EYS: variants seen among roughly 807,000 people sequenced by gnomAD.
The protein encoded by EYS is EGF-like photoreceptor maintenance factor, also known as protein eyes shut homolog.
In EYS, 250 loss-of-function variants were observed where a neutral mutation model predicts 282.1. That is an observed-to-expected ratio of 0.89 (90% CI 0.80 to 0.98). The LOEUF (loss-of-function observed/expected upper bound fraction) is 0.98, where lower values mean the gene tolerates loss of function less well. Ranked by LOEUF, EYS falls within the 50% of genes least tolerant of loss-of-function variation. The probability of loss-of-function intolerance (pLI) is 0.00; values close to 1 mark genes in which losing one functional copy is unlikely to be tolerated. For synonymous variants in EYS, 1,355 were observed against 1,282.9 expected (o/e 1.06, Z -1.20); for missense variants, 4,016 against 3,709.0 (o/e 1.08, Z -2.15).
At chr6:65,210,837 A>G (rs913197936) in intron 12 of EYS, among the ~76,000 whole-genome samples, 1 of 151,988 alleles carries the variant, frequency 6.6e-6, no homozygotes, top group Non-Finnish European at 1.5e-5. Flanking sequence ...TTTAAAATAA[A>G]TATTTTATAA....
intron 1 of EYS, among the ~76,000 whole-genome samples, chr6:65,663,529 T>G (rs1232619365): frequency 1.3e-5 from 2 of 152,196 alleles, no homozygotes; most frequent in Non-Finnish European, 2.9e-5. Flanking sequence ...CTTGGACTTA[T>G]CCTTACTGGA....
chr6:64,145,585 T>C (rs1420325562), intron 31 of EYS, among the ~76,000 whole-genome samples: 2 of 152,232 alleles, frequency 1.3e-5, no homozygotes, highest in Non-Finnish European at 2.9e-5. Context: ...TATCCTCTTG[T>C]TGCATTTCCA....
At chr6:64,771,136 T>C (rs1223916653) in intron 22 of EYS, among the ~76,000 whole-genome samples, 1 of 151,722 alleles carries the variant, frequency 6.6e-6, no homozygotes, top group Non-Finnish European at 1.5e-5. Context: ...TTCTTCACTT[T>C]TCCTTCTATG....
chr6:63,760,534 T>C (rs987589292), intron 41 of EYS, among the ~76,000 whole-genome samples: 9 of 152,070 alleles, frequency 5.9e-5, no homozygotes, highest in African/African-American at 2.2e-4. Flanking sequence ...TAGAATTCTA[T>C]GTGGATGTCA....
At chr6:64,588,128 A>C (rs911131256) in intron 26 of EYS, among the ~76,000 whole-genome samples, 1 of 152,088 alleles carries the variant, frequency 6.6e-6, no homozygotes, top group Non-Finnish European at 1.5e-5. Flanking sequence ...CATGCTAAGA[A>C]AGATCAGAAA....
At chr6:65,548,978 T>A (rs1410884082) in intron 2 of EYS, among the ~76,000 whole-genome samples, 1 of 152,130 alleles carries the variant, frequency 6.6e-6, no homozygotes, top group Non-Finnish European at 1.5e-5. Flanking sequence ...ATGAAAGTGT[T>A]CCACCTCAGA....
chr6:64,475,550 C>CAAAAAAAA (rs56710433), intron 26 of EYS, among the ~76,000 whole-genome samples: 3 of 43,870 alleles, frequency 6.8e-5, no homozygotes, highest in African/African-American at 2.0e-4. Flanking sequence ...GACTCCGTCT[C>CAAAAAAAA]AAAAAAAAAA....
chr6:65,589,821 G>A (rs923852732), intron 2 of EYS, among the ~76,000 whole-genome samples: 1 of 151,880 alleles, frequency 6.6e-6, no homozygotes, highest in East Asian at 1.9e-4. Context: ...AGAAATAAAT[G>A]TTAAAGGTTT....
intron 41 of EYS, among the ~76,000 whole-genome samples, chr6:63,734,985 T>C (rs115994241): frequency 0.012 from 1,834 of 152,164 alleles, 29 homozygotes; most frequent in African/African-American, 0.042. Flanking sequence ...TATATACAAA[T>C]ATTTGCTAAA....
chr6:65,442,970 A>G (rs1768423736), intron 5 of EYS, among the ~76,000 whole-genome samples: 1 of 151,768 alleles, frequency 6.6e-6, no homozygotes, highest in Non-Finnish European at 1.5e-5. Flanking sequence ...ATGTACATAT[A>G]TGTATATATA....
intron 13 of EYS, among the ~76,000 whole-genome samples, chr6:65,042,220 T>C (rs1451863855): frequency 6.6e-6 from 1 of 151,538 alleles, no homozygotes; most frequent in Non-Finnish European, 1.5e-5. Context: ...AGTATATCTG[T>C]CTTTCTTGCA....
intron 26 of EYS, among the ~76,000 whole-genome samples, chr6:64,503,397 C>T (rs1336901831): frequency 6.6e-6 from 1 of 152,140 alleles, no homozygotes; most frequent in African/African-American, 2.4e-5. Flanking sequence ...TCAAAGGTTA[C>T]TTATTCTTAG....
At chr6:65,128,452 T>C (rs900490045) in intron 12 of EYS, among the ~76,000 whole-genome samples, 1 of 152,028 alleles carries the variant, frequency 6.6e-6, no homozygotes, top group Non-Finnish European at 1.5e-5. Flanking sequence ...AAAAAGCTCC[T>C]AGAACTGATA....
At position 63,986,217 on chromosome 6, in the gene EYS, A is replaced by G. The variant is rs147847639; in HGVS notation, c.6835-1614T>C. On this transcript the variant is annotated intron_variant, in intron 34 of 42. Transcript: ENST00000503581. ...TAGAGAAATGCAAATCAAAACCACA[A>G]TGAGATACCATCTCACACCAGTCAG... Among the ~76,000 whole-genome samples the G allele has an allele frequency of 1.6e-3, 240 of 151,244 alleles. 2 individuals are homozygous for G. In the East Asian group the frequency reaches 0.036, roughly 22 times the overall value.
intron 33 of EYS, among the ~76,000 whole-genome samples, chr6:64,045,926 T>G (rs986689290): frequency 6.8e-6 from 1 of 147,766 alleles, no homozygotes; most frequent in African/African-American, 2.5e-5. Flanking sequence ...ATATATGTAA[T>G]ATATAATACA....
chr6:65,615,438 T>C (rs1324459111), intron 2 of EYS, among the ~76,000 whole-genome samples: 4 of 149,838 alleles, frequency 2.7e-5, no homozygotes, highest in Non-Finnish European at 5.9e-5. Flanking sequence ...TTAGTACATA[T>C]ATATGTACTC....
In EYS at chr6:64,899,901, C is replaced by G. The variant is rs189159608; in HGVS notation, c.2846+2212G>C. On this transcript the variant is annotated intron_variant, in intron 18 of 42. Coordinates refer to ENST00000503581, the MANE Select transcript of EYS (RefSeq NM_001142800.2). Reference sequence around the variant, plus strand: ...AACTACTTTAAATTTCGTATGGAACCAAAAAAGAGCCCATATACCCAAGAC... The same window carrying G: ...AACTACTTTAAATTTCGTATGGAACGAAAAAAGAGCCCATATACCCAAGAC... Among the ~76,000 whole-genome samples the G allele has an allele frequency of 5.9e-4, 89 of 152,072 alleles. 1 individual carries two copies. Among genetic ancestry groups the G allele is most frequent in the African/African-American group, 1.8e-3 (73 of 41,488 alleles).
At chr6:64,488,056 T>C (rs1187765931) in intron 26 of EYS, among the ~76,000 whole-genome samples, 2 of 151,118 alleles carry the variant, frequency 1.3e-5, no homozygotes, top group Non-Finnish European at 3.0e-5. Context: ...CCCAATTATT[T>C]GTATAGTTCA....
At chr6:64,958,846 C>A (rs112410011) in intron 14 of EYS, among the ~76,000 whole-genome samples, 2,432 of 145,956 alleles carry the variant, frequency 0.017, 73 homozygotes, top group African/African-American at 0.058. Flanking sequence ...ATAATAATTT[C>A]TTGGCAATTG....
Sources: gnomAD v4.1 joint callset for allele counts (sites outside exome capture counted in the v4.1 genomes callset) on GRCh38, gnomAD v4.1.1 for gene constraint, MANE v1.5 for transcripts, NCBI Gene and HGNC (gene_info 2026-07-23, HGNC 2026-07-21) for gene names.